PCDHGA2: variants seen among roughly 807,000 people sequenced by gnomAD.
The protein encoded by PCDHGA2 is protocadherin gamma-A2.
PCDHGA2 carries 40 observed loss-of-function variants against 59.2 expected under a neutral mutation model. That is an observed-to-expected ratio of 0.68 (90% CI 0.52 to 0.88). PCDHGA2 has a LOEUF of 0.88. Among genes scored for constraint, PCDHGA2 ranks in the 40% least tolerant of loss-of-function variants. The probability of loss-of-function intolerance (pLI) is 0.00; values close to 1 mark genes in which losing one functional copy is unlikely to be tolerated. For missense variants in PCDHGA2, 1,226 were observed against 1,204.0 expected (o/e 1.02, Z -0.27); for synonymous variants, 560 against 526.0 (o/e 1.06, Z -0.89).
In PCDHGA2 at chr5:141,486,885, G is replaced by C. The variant is rs139638334; in HGVS notation, c.2425-7922G>C. 1.2e-6 allele frequency: 2 copies of C among 1,614,076 alleles called. No individual in the cohort carries two copies. Among genetic ancestry groups the C allele is most frequent in the East Asian group, 4.5e-5 (2 of 44,892 alleles). On this transcript the variant is annotated intron_variant, in intron 1 of 3. Coordinates refer to ENST00000394576, the MANE Select transcript of PCDHGA2 (RefSeq NM_018915.4). This position sits in a 1 kb window ranked among gnomAD's most constrained non-coding sequence, Gnocchi z 5.0. ...CCAGCTGTGCTCCGTCCTCGGGCCC[G>C]GCCTGGTTCCTTATGTCCCCAAGCA...
chr5:141,501,066 A>G (rs2099805322), intron 2 of PCDHGA2, among the ~76,000 whole-genome samples: 1 of 151,976 alleles, frequency 6.6e-6, no homozygotes, highest in South Asian at 2.1e-4. Flanking sequence ...ACGGGGTTTC[A>G]CCATGTTGAC....
At chr5:141,410,260 T>C in intron 1 of PCDHGA2, 1 of 1,614,054 alleles carries the variant, frequency 6.2e-7, no homozygotes, top group Non-Finnish European at 8.5e-7. Context: ...ACCCCCAGGC[T>C]GAACTGCAGT....
chr5:141,352,536 C>T lies in PCDHGA2; in HGVS notation c.2424+11141C>T. ...TGTATTGCCTCTCATTCTGCAAAGA[C>T]AGAGTTTAATTCTCTCAACCTGACA... On this transcript the variant is annotated intron_variant, in intron 1 of 3. Coordinates refer to ENST00000394576, the MANE Select transcript of PCDHGA2 (RefSeq NM_018915.4). 6.2e-7 allele frequency: 1 copy of T among 1,614,032 alleles called. No homozygotes were observed.
chr5:141,403,766 G>A (rs1371539458), intron 1 of PCDHGA2: 2 of 1,613,864 alleles, frequency 1.2e-6, no homozygotes, highest in East Asian at 2.2e-5. Context: ...CCTGGATGAG[G>A]GAATCAACGG....
chr5:141,394,592 G>C (rs754585576), intron 1 of PCDHGA2: 84 of 1,613,642 alleles, frequency 5.2e-5, no homozygotes, highest in South Asian at 3.7e-4. Context: ...AGGTGGTGGC[G>C]GTGGACAGAG....
At chr5:141,423,219 T>C (rs775170753) in intron 1 of PCDHGA2, 3 of 1,613,752 alleles carry the variant, frequency 1.9e-6, no homozygotes, top group Admixed American at 1.7e-5. Flanking sequence ...TCACCGTGGC[T>C]GTGGCCGACA....
At chr5:141,400,511 C>G (rs1456963604) in intron 1 of PCDHGA2, 1 of 1,613,824 alleles carries the variant, frequency 6.2e-7, no homozygotes, top group African/African-American at 1.3e-5. Context: ...GAGTCGACTT[C>G]CCATCCTGAG....
chr5:141,359,995 T>G, intron 1 of PCDHGA2: 1 of 1,091,948 alleles, frequency 9.2e-7, no homozygotes, highest in South Asian at 2.1e-5. Flanking sequence ...GGGAACTTCC[T>G]GCACAAACCA....
chr5:141,364,657 G>A (rs1232643990), intron 1 of PCDHGA2: 3 of 1,613,916 alleles, frequency 1.9e-6, no homozygotes, highest in African/African-American at 2.7e-5. Context: ...TTAACATCTT[G>A]GTTGAGAACA....
At chr5:141,375,304 T>C (rs1436249937) in intron 1 of PCDHGA2, 4 of 1,613,762 alleles carry the variant, frequency 2.5e-6, no homozygotes, top group Non-Finnish European at 3.4e-6. Flanking sequence ...TAGTGACAAA[T>C]GCAGCTCTAG....
chr5:141,427,150 T>C (rs570999921), intron 1 of PCDHGA2: 6 of 456,866 alleles, frequency 1.3e-5, no homozygotes, highest in African/African-American at 4.0e-5. Flanking sequence ...ATTGGAAATA[T>C]GTTTGTGCTA....
At chr5:141,345,223 C>A in intron 1 of PCDHGA2, 1 of 1,613,928 alleles carries the variant, frequency 6.2e-7, no homozygotes, top group Non-Finnish European at 8.5e-7. Flanking sequence ...TTAGAAAAAT[C>A]AATAGATCAA....
At chr5:141,357,213 C>T in intron 1 of PCDHGA2, 3 of 1,613,884 alleles carry the variant, frequency 1.9e-6, no homozygotes, top group Non-Finnish European at 2.5e-6. Flanking sequence ...TCCCAGATGT[C>T]CTGGCTGACT....
At chr5:141,414,957 G>A in intron 1 of PCDHGA2, 7 of 1,614,018 alleles carry the variant, frequency 4.3e-6, no homozygotes, top group Non-Finnish European at 3.4e-6. Flanking sequence ...TGGTGACCAA[G>A]GTGGTGGCGG....
Position 141,438,643 on chromosome 5 carries a change from C to CATAT in PCDHGA2, c.2425-56163_2425-56162insTATA, listed in dbSNP as rs1213792286. ...ATATATATATATATATATACACACACACACACACATATATGTATATATATA... is the reference window on the plus strand; with the variant it reads ...ATATATATATATATATATACACACACATATACACACACATATATGTATATATATA... On this transcript the variant is annotated intron_variant, in intron 1 of 3. Transcript: ENST00000394576. Among the ~76,000 whole-genome samples, 345 of 117,382 alleles carry CATAT rather than the reference C, an allele frequency of 2.9e-3. 2 individuals are homozygous for CATAT. Among genetic ancestry groups the CATAT allele is most frequent in the Admixed American group, 6.8e-3 (78 of 11,434 alleles). 77.0% of individuals were successfully genotyped at this position (117,382 alleles called of 152,430 possible). A position where few individuals can be genotyped will look rare whatever the true frequency, so the allele number is the denominator to read the frequency against.
chr5:141,433,208 CTTTT>C (rs745329085), intron 1 of PCDHGA2: 3 of 1,293,778 alleles, frequency 2.3e-6, no homozygotes, highest in African/African-American at 1.5e-5. Flanking sequence ...AATCTTCTTT[CTTTT>C]TTTTTTTTAA....
At chr5:141,391,345 G>C (rs1233916830) in intron 1 of PCDHGA2, 1 of 139,580 alleles carries the variant, frequency 7.2e-6, no homozygotes, top group Admixed American at 7.6e-5. Context: ...CAGAGTCTCT[G>C]TCTGTTACTC....
chr5:141,352,127 C>A (rs953232371), intron 1 of PCDHGA2: 2 of 1,610,122 alleles, frequency 1.2e-6, no homozygotes, highest in Non-Finnish European at 1.7e-6. Context: ...GGGTGAGGTG[C>A]GCACAGCGCG....
chr5:141,425,528 C>T (rs2096881702), intron 1 of PCDHGA2, among the ~76,000 whole-genome samples: 1 of 152,200 alleles, frequency 6.6e-6, no homozygotes, highest in African/African-American at 2.4e-5. Context: ...AAACATGAAA[C>T]AATAATCCTT....
Sources: gnomAD v4.1 joint callset for allele counts (sites outside exome capture counted in the v4.1 genomes callset) on GRCh38, gnomAD v4.1.1 for gene constraint, Gnocchi (gnomAD v3.1) non-coding constraint, MANE v1.5 for transcripts, NCBI Gene and HGNC (gene_info 2026-07-23, HGNC 2026-07-21) for gene names.